The following UBR3 variants were observed in gnomAD, a reference collection of about 807,000 sequenced individuals.
UBR3 encodes the protein E3 ubiquitin-protein ligase UBR3.
UBR3 carries 85 observed loss-of-function variants against 243.2 expected under a neutral mutation model. The ratio of observed to expected loss-of-function variants is 0.35; its 90% CI spans 0.29 to 0.42. The LOEUF (loss-of-function observed/expected upper bound fraction) is 0.42, where lower values mean the gene tolerates loss of function less well. Among genes scored for constraint, UBR3 ranks in the 10% least tolerant of loss-of-function variants. UBR3 has a pLI of 1.00. For missense variants in UBR3, 1,686 were observed against 2,300.8 expected, an observed-to-expected ratio of 0.73 and a Z score of 5.47; for synonymous variants, 748 against 799.8, an observed-to-expected ratio of 0.94 and a Z score of 1.09.
At chr2:169,967,766 G>C (rs1330608443) in intron 24 of UBR3, among the ~76,000 whole-genome samples, 1 of 151,956 alleles carries the variant, frequency 6.6e-6, no homozygotes, top group East Asian at 1.9e-4. Context: ...TTTAATTTGT[G>C]ATTTGTCCTT....
chr2:170,039,372 G>T (rs1029534358), intron 31 of UBR3, among the ~76,000 whole-genome samples: 2 of 152,098 alleles, frequency 1.3e-5, no homozygotes, highest in Admixed American at 6.6e-5. Context: ...AATAGAAATG[G>T]TGTGACCCCT....
chr2:170,023,790 ACCG>A (rs2090454835), intron 30 of UBR3, among the ~76,000 whole-genome samples: 5 of 152,070 alleles, frequency 3.3e-5, no homozygotes, highest in Non-Finnish European at 7.4e-5. Flanking sequence ...ATGGGGTTTC[ACCG>A]TCTTGAACTC....
chr2:169,840,242 C>T (rs965354628), intron 1 of UBR3, among the ~76,000 whole-genome samples: 6 of 152,164 alleles, frequency 3.9e-5, no homozygotes, highest in Non-Finnish European at 5.9e-5. Flanking sequence ...AAGAGACTTT[C>T]CCCCCACCTC....
chr2:170,001,939 A>AAAAAAAAAAAAAAAAAAAAG (rs1553531165), intron 27 of UBR3, among the ~76,000 whole-genome samples: 6 of 116,202 alleles, frequency 5.2e-5, no homozygotes, highest in African/African-American at 1.5e-4. Flanking sequence ...AAAAAAAAAA[A>AAAAAAAAAAAAAAAAAAAAG]AAAGAAAGAA....
rs548730808 is a variant in UBR3, at chr2:170,082,014, A to T, written c.*171A>T. On this transcript the variant is annotated 3_prime_UTR_variant, in exon 39 of 39. Transcript: ENST00000272793. ...GCTTGGTAATCACGTTAATGGTATA[A>T]TTTTTTTTTTTTAATATCTGGAGAA... 7 of 355,256 alleles carry T rather than the reference A, an allele frequency of 2.0e-5. No homozygotes were observed. In the South Asian group the frequency reaches 4.7e-4, roughly 24 times the overall value. The allele number at this position is 355,256 out of a possible 1,614,324, so 22.0% of individuals were successfully genotyped here. A position where few individuals can be genotyped will look rare whatever the true frequency, so the allele number is the denominator to read the frequency against.
intron 20 of UBR3, 27 bp from the exon 21 acceptor site, chr2:169,946,261 A>G (rs1208109153): frequency 1.6e-6 from 2 of 1,286,928 alleles, no homozygotes; most frequent in Non-Finnish European, 2.1e-6. Flanking sequence ...AAAAGTAATT[A>G]TGAGGCATTT....
chr2:169,830,745 C>A (rs750524768), intron 1 of UBR3, among the ~76,000 whole-genome samples: 15 of 151,462 alleles, frequency 9.9e-5, no homozygotes, highest in Non-Finnish European at 1.8e-4. Context: ...AGAGGCACAT[C>A]AAAACAGGAG....
intron 19 of UBR3, among the ~76,000 whole-genome samples, chr2:169,936,146 G>GCCT (rs2086318904): frequency 6.6e-6 from 1 of 152,030 alleles, no homozygotes; most frequent in African/African-American, 2.4e-5. Context: ...CGCAACCTCT[G>GCCT]CCTCCCGGAT....
intron 1 of UBR3, among the ~76,000 whole-genome samples, chr2:169,836,369 G>A (rs1323126006): frequency 6.6e-6 from 1 of 151,600 alleles, no homozygotes; most frequent in Non-Finnish European, 1.5e-5. Context: ...ACAGGCATGG[G>A]CTACCACGCC....
At chr2:169,853,494 A>G (rs2082734793) in intron 1 of UBR3, among the ~76,000 whole-genome samples, 1 of 148,528 alleles carries the variant, frequency 6.7e-6, no homozygotes, top group South Asian at 2.1e-4. Flanking sequence ...TCTGTTGCCC[A>G]GGCTAGAGTG....
intron 36 of UBR3, chr2:170,077,979 C>T (rs924402643): frequency 3.9e-5 from 24 of 615,260 alleles, no homozygotes; most frequent in Admixed American, 2.1e-4. Context: ...CTTTTCATTT[C>T]GGCTTAATCA....
At chr2:169,981,545 T>G (rs1452969319) in intron 24 of UBR3, among the ~76,000 whole-genome samples, 5 of 152,078 alleles carry the variant, frequency 3.3e-5, no homozygotes, top group African/African-American at 9.7e-5. Context: ...TCTGAGAAAC[T>G]GTCACAGTTT....
chr2:170,078,790 G>A (rs1043077810), intron 36 of UBR3, among the ~76,000 whole-genome samples: 2 of 152,182 alleles, frequency 1.3e-5, no homozygotes, highest in African/African-American at 4.8e-5. Context: ...TATAATAAGT[G>A]TCAAGTTCAG....
chr2:170,049,113 A>C (rs2091157771), intron 32 of UBR3, among the ~76,000 whole-genome samples: 2 of 152,168 alleles, frequency 1.3e-5, no homozygotes, highest in Non-Finnish European at 2.9e-5. Context: ...TCCACTGCAC[A>C]TATTTTTTGA....
chr2:170,020,517 A>G (rs988022838), intron 30 of UBR3, among the ~76,000 whole-genome samples: 61 of 152,200 alleles, frequency 4.0e-4, no homozygotes, highest in Non-Finnish European at 1.2e-4. Context: ...TTCCTCATCT[A>G]TAAAATTAGT....
chr2:169,914,897 AT>A (rs1023598784), intron 11 of UBR3, among the ~76,000 whole-genome samples: 1 of 151,396 alleles, frequency 6.6e-6, no homozygotes, highest in African/African-American at 2.4e-5. Flanking sequence ...TGTTTAAAAA[AT>A]TTTTGACACA....
chr2:169,871,743 C>CAAAAAAAAAAAA lies in UBR3; in HGVS notation c.546-491_546-480dup, dbSNP rs562559554. 4.2e-4 allele frequency among the ~76,000 whole-genome samples: 40 copies of CAAAAAAAAAAAA among 95,006 alleles called. 3 individuals carry two copies. The highest frequency in any genetic ancestry group is 0.015 in the Middle Eastern group (2 of 134). The allele number at this position is 95,006 out of a possible 152,430, so 62.3% of individuals were successfully genotyped here. On this transcript the variant is annotated intron_variant, in intron 1 of 38. Coordinates refer to ENST00000272793, the MANE Select transcript of UBR3 (RefSeq NM_172070.4). ...AGCCTGGACGTCAGACCAAGACTCT[C>CAAAAAAAAAAAA]AAAAAAAAAAAAAGAATATAAACAA... is the stretch of plus-strand genomic sequence containing the variant.
chr2:169,827,629 G>A lies in UBR3; in HGVS notation c.122G>A (p.Arg41Gln). 5 of 1,267,274 alleles carry A rather than the reference G, an allele frequency of 3.9e-6. No individual in the cohort carries two copies. Among genetic ancestry groups the A allele is most frequent in the Non-Finnish European group, 5.0e-6 (5 of 1,006,062 alleles). The allele number at this position is 1,267,274 out of a possible 1,614,324, so 78.5% of individuals were successfully genotyped here. ...TAAHLKAALS[R>Q]PDNRAGAEEL... ...GCGCACCTCAAGGCGGCCCTCAGCC[G>A]GCCGGACAACCGCGCAGGTGCTGAG... The change falls in exon 1 of 39, where the codon CGG (arginine) becomes CAG (glutamine). Residue 41 changes from arginine to glutamine, a missense_variant. Transcript: ENST00000272793.
chr2:170,029,296 C>A, intron 30 of UBR3, 50 bp from the exon 31 acceptor site: 2 of 1,443,148 alleles, frequency 1.4e-6, no homozygotes, highest in Non-Finnish European at 1.9e-6. Context: ...GAATTTTGTT[C>A]TGTAACAAAT....
Sources: gnomAD v4.1 joint callset for allele counts (sites outside exome capture counted in the v4.1 genomes callset) on GRCh38, gnomAD v4.1.1 for gene constraint, MANE v1.5 for transcripts, NCBI Gene and HGNC (gene_info 2026-07-23, HGNC 2026-07-21) for gene names.